The following CNGA3 variants were observed in gnomAD, a reference collection of about 807,000 sequenced individuals.
CNGA3 encodes the protein cyclic nucleotide gated channel subunit alpha 3.
In CNGA3, 42 loss-of-function variants were observed where a neutral mutation model predicts 46.6. The observed-to-expected ratio is 0.90, with a 90% CI of 0.70 to 1.17. The LOEUF (loss-of-function observed/expected upper bound fraction) is 1.17, where lower values mean the gene tolerates loss of function less well. Among genes scored for constraint, CNGA3 ranks in the 50% most tolerant of loss-of-function variants. The probability of loss-of-function intolerance (pLI) is 0.00; values close to 1 mark genes in which losing one functional copy is unlikely to be tolerated. For synonymous variants in CNGA3, 394 were observed against 369.4 expected (o/e 1.07, Z -0.76); for missense variants, 893 against 890.7 (o/e 1.00, Z -0.03).
chr2:98,396,020 C>T lies in CNGA3; in HGVS notation c.850C>T (p.Leu284Phe). Reference protein sequence around the residue: ...RFNRLLKFSRLFEFFDRTETR... With the variant: ...RFNRLLKFSRFFEFFDRTETR... Reference sequence around the variant, plus strand: ...CAACCGCCTACTGAAGTTTTCCCGGCTCTTTGAATTCTTTGACCGCACAGA... The same window carrying T: ...CAACCGCCTACTGAAGTTTTCCCGGTTCTTTGAATTCTTTGACCGCACAGA... Residue 284 changes from leucine to phenylalanine, a missense_variant, in exon 8 of 8, where the codon CTC (leucine) becomes TTC (phenylalanine). Physicochemically the swap from Leu to Phe is conservative, Grantham distance 22. Transcript: ENST00000272602. The T allele has an allele frequency of 6.2e-7, 1 of 1,614,212 alleles. No individual in the cohort carries two copies.
At position 98,397,119 on chromosome 2, in the gene CNGA3, A is replaced by C. The variant is rs139368657; in HGVS notation, c.1949A>C (p.Glu650Ala). The change falls in exon 8 of 8, where the codon GAG becomes GCG. Residue 650 changes from glutamate to alanine, a missense_variant. By Grantham distance (107) the Glu-to-Ala change is moderately radical. Around this residue, in one of 3 missense-constraint regions of CNGA3, gnomAD observed 548 missense variants for 570.8 expected, o/e 0.96. Transcript: ENST00000272602. ...ACCAGGTTTGCACGCCTCCTGGCTG[A>C]GTACAACGCCACCCAGATGAAGATG... The part of the protein sequence containing the change: ...LQTRFARLLA[E>A]YNATQMKMKQ... The C allele has an allele frequency of 3.1e-4, 507 of 1,614,178 alleles. No homozygotes were observed. Among genetic ancestry groups the C allele is most frequent in the Non-Finnish European group, 4.0e-4 (473 of 1,180,034 alleles).
intron 3 of CNGA3, chr2:98,378,204 C>G: frequency 6.5e-7 from 1 of 1,549,298 alleles, no homozygotes; most frequent in Non-Finnish European, 8.7e-7. Flanking sequence ...CCCGGGTGCT[C>G]GTCTGGACCC....
At chr2:98,391,830 G>T (rs369896847) in intron 6 of CNGA3, 34 bp from the exon 7 acceptor site, 2 of 1,601,724 alleles carry the variant, frequency 1.2e-6, no homozygotes, top group Non-Finnish European at 1.7e-6. Context: ...AGAAACACAC[G>T]CACAGCCATC....
chr2:98,373,137 G>A (rs1228931322), intron 2 of CNGA3, among the ~76,000 whole-genome samples: 1 of 152,178 alleles, frequency 6.6e-6, no homozygotes, highest in Non-Finnish European at 1.5e-5. Context: ...CCTCAGGGAT[G>A]GAGGCTGGGC....
chr2:98,375,756 CT>C (rs60464395), intron 2 of CNGA3, among the ~76,000 whole-genome samples: 1 of 152,284 alleles, frequency 6.6e-6, no homozygotes, highest in African/African-American at 2.4e-5. Context: ...TATTAATTTC[CT>C]TTTCATCTGT....
intron 2 of CNGA3, among the ~76,000 whole-genome samples, chr2:98,377,126 G>A (rs550029924): frequency 6.6e-6 from 1 of 152,338 alleles, no homozygotes; most frequent in South Asian, 2.1e-4. Context: ...AGCTAGGCCA[G>A]TTCTGTGCAA....
At chr2:98,347,836 T>C (rs1041987724) in intron 1 of CNGA3, among the ~76,000 whole-genome samples, 2 of 152,184 alleles carry the variant, frequency 1.3e-5, no homozygotes, top group African/African-American at 4.8e-5. Flanking sequence ...CATTATGCAC[T>C]GTCCGCCACC....
At chr2:98,347,905 T>C (rs528079506) in intron 1 of CNGA3, among the ~76,000 whole-genome samples, 5 of 152,354 alleles carry the variant, frequency 3.3e-5, no homozygotes, top group African/African-American at 9.6e-5. Context: ...TAGTGCTGTC[T>C]GGGCACGGAG....
At chr2:98,355,328 T>C (rs114080727) in intron 1 of CNGA3, among the ~76,000 whole-genome samples, 5,173 of 152,312 alleles carry the variant, frequency 0.034, 118 homozygotes, top group Middle Eastern at 0.058. Context: ...TAACATTATA[T>C]AGTTTTCCTT....
intron 7 of CNGA3, among the ~76,000 whole-genome samples, chr2:98,393,943 G>A (rs1052852719): frequency 6.6e-6 from 1 of 151,086 alleles, no homozygotes; most frequent in Admixed American, 6.6e-5. Context: ...TGTGAAGTGG[G>A]GTGTTCTTTG....
In CNGA3 at chr2:98,376,874, C is replaced by A. The variant is rs576217606; in HGVS notation, c.102-813C>A. Among the ~76,000 whole-genome samples the A allele has an allele frequency of 1.6e-4, 24 of 152,320 alleles. No homozygotes were observed. In the South Asian group the frequency reaches 4.8e-3, roughly 30 times the overall value. On this transcript the variant is annotated intron_variant, in intron 2 of 7. Coordinates refer to ENST00000272602, the MANE Select transcript of CNGA3 (RefSeq NM_001298.3). ...TAAAAGAAAGGAAAATATTCCCAGACGCATTCCTAGTCTTATTCCAGGCAA... is the reference window on the plus strand; with the variant it reads ...TAAAAGAAAGGAAAATATTCCCAGAAGCATTCCTAGTCTTATTCCAGGCAA...
At chr2:98,378,719 C>T (rs1160965168) in intron 3 of CNGA3, among the ~76,000 whole-genome samples, 2 of 152,292 alleles carry the variant, frequency 1.3e-5, no homozygotes, top group East Asian at 1.9e-4. Flanking sequence ...AAAGAGAACA[C>T]CTTTAAATCA....
chr2:98,396,348 C>T lies in CNGA3; in HGVS notation c.1178C>T (p.Ala393Val). ...VDFLVGVLIF[A>V]TIVGNVGSMI... ...TTCTTGGTGGGTGTTCTGATTTTTG[C>T]CACCATTGTGGGCAATGTGGGCTCC... The change falls in exon 8 of 8, where the codon GCC (alanine) becomes GTC (valine). Residue 393 changes from alanine to valine, a missense_variant. Coordinates refer to ENST00000272602, the MANE Select transcript of CNGA3 (RefSeq NM_001298.3). 2 of 1,611,896 alleles carry T rather than the reference C, an allele frequency of 1.2e-6. No individual in the cohort carries two copies.
chr2:98,368,248 T>C (rs1230525433), intron 1 of CNGA3, among the ~76,000 whole-genome samples: 1 of 152,216 alleles, frequency 6.6e-6, no homozygotes, highest in Non-Finnish European at 1.5e-5. Flanking sequence ...GCCACACCAA[T>C]GGCTCCTGTC....
rs777620322 is a variant in CNGA3 at position 98,396,747 on chromosome 2, A to T, written c.1577A>T (p.Lys526Met). ...GAGATGTACATCATCAACGAGGGCAAGCTGGCCGTGGTGGCTGATGATGGG... is the reference window on the plus strand; with the variant it reads ...GAGATGTACATCATCAACGAGGGCATGCTGGCCGTGGTGGCTGATGATGGG... ...GKEMYIINEGKLAVVADDGVT... is the reference protein window; with the variant it reads ...GKEMYIINEGMLAVVADDGVT... Residue 526 changes from lysine (K) to methionine (M), a missense_variant, in exon 8 of 8, where the codon AAG becomes ATG. Coordinates refer to ENST00000272602, the MANE Select transcript of CNGA3 (RefSeq NM_001298.3). The T allele has an allele frequency of 6.2e-7, 1 of 1,614,070 alleles. No homozygotes were observed. Among genetic ancestry groups the T allele is most frequent in the Admixed American group, 1.7e-5 (1 of 59,998 alleles).
chr2:98,367,387 A>G (rs1369483390), intron 1 of CNGA3, among the ~76,000 whole-genome samples: 1 of 151,356 alleles, frequency 6.6e-6, no homozygotes, highest in Non-Finnish European at 1.5e-5. Context: ...GTAGAGACAG[A>G]GTTTCACCAT....
intron 7 of CNGA3, among the ~76,000 whole-genome samples, chr2:98,395,459 G>A (rs995333931): frequency 5.3e-5 from 8 of 152,136 alleles, no homozygotes; most frequent in African/African-American, 1.9e-4. Flanking sequence ...CATGAGCCAC[G>A]GCACCCGGCC....
chr2:98,374,026 T>G (rs1558810059), intron 2 of CNGA3, among the ~76,000 whole-genome samples: 1 of 152,192 alleles, frequency 6.6e-6, no homozygotes, highest in Admixed American at 6.5e-5. Context: ...ATCATTCAAG[T>G]TCCTCAGGGC....
At chr2:98,367,167 G>GTTTATTTTCCTTTTTTTT (rs751611132) in intron 1 of CNGA3, among the ~76,000 whole-genome samples, 4 of 101,622 alleles carry the variant, frequency 3.9e-5, no homozygotes, top group Admixed American at 1.1e-4. Context: ...GACATCAGCT[G>GTTTATTTTCCTTTTTTTT]TTTTTTTTCT....
Sources: allele counts gnomAD v4.1 joint callset (sites outside exome capture counted in the v4.1 genomes callset), GRCh38; gene constraint gnomAD v4.1.1; regional missense constraint gnomAD v4.1.1; transcripts MANE v1.5; gene names NCBI Gene and HGNC (gene_info 2026-07-23, HGNC 2026-07-21).